The following RSRC1 variants were observed in gnomAD, a reference collection of about 807,000 sequenced individuals.
The protein encoded by RSRC1 is serine/Arginine-related protein 53.
In RSRC1, 39 loss-of-function variants were observed where a neutral mutation model predicts 49.1. That is an observed-to-expected ratio of 0.79 (90% CI 0.61 to 1.04). The LOEUF (loss-of-function observed/expected upper bound fraction) is 1.04. Among genes scored for constraint, RSRC1 ranks in the 50% least tolerant of loss-of-function variants. The pLI is 0.00. For missense variants in RSRC1, 388 were observed against 402.4 expected, an observed-to-expected ratio of 0.96 and a Z score of 0.31; for synonymous variants, 143 against 130.8, an observed-to-expected ratio of 1.09 and a Z score of -0.63.
At chr3:158,144,876 T>C (rs1052466996) in intron 3 of RSRC1, among the ~76,000 whole-genome samples, 3 of 152,216 alleles carry the variant, frequency 2.0e-5, no homozygotes, top group African/African-American at 4.8e-5. Context: ...TGCCTTTCTC[T>C]GATGGCCAGT....
intron 4 of RSRC1, among the ~76,000 whole-genome samples, chr3:158,289,204 G>A (rs989403513): frequency 6.6e-6 from 1 of 151,940 alleles, no homozygotes; most frequent in Non-Finnish European, 1.5e-5. Context: ...TCCTCTGTTT[G>A]CAACTGTTAT....
At chr3:158,233,482 C>G (rs1723078247) in intron 4 of RSRC1, among the ~76,000 whole-genome samples, 1 of 152,072 alleles carries the variant, frequency 6.6e-6, no homozygotes, top group Non-Finnish European at 1.5e-5. Context: ...TCATGATTAT[C>G]TAAGTTTAAT....
At position 158,122,220 on chromosome 3, in the gene RSRC1, A is replaced by C; in HGVS notation, c.116A>C (p.Lys39Thr). The C allele has an allele frequency of 6.2e-7, 1 of 1,607,330 alleles. No homozygotes were observed. Among genetic ancestry groups the C allele is most frequent in the Non-Finnish European group, 8.5e-7 (1 of 1,176,130 alleles). The stretch of plus-strand genomic sequence containing the variant: ...GATAGTAGAACATACAGCCGAAAGA[A>C]AGGAGGAAGGAAATCAAGATCAAAG... ...SSDSRTYSRK[K>T]GGRKSRSKSR... is the part of the protein sequence containing the mutation. The change falls in exon 2 of 10, where the codon AAA (lysine) becomes ACA (threonine). Residue 39 changes from lysine (K) to threonine (T), a missense_variant. Physicochemically the swap from Lys to Thr is moderately conservative, Grantham distance 78. Coordinates refer to ENST00000611884, the MANE Select transcript of RSRC1 (RefSeq NM_001271838.2).
At chr3:158,434,188 C>G (rs1464568939) in intron 6 of RSRC1, among the ~76,000 whole-genome samples, 3 of 151,860 alleles carry the variant, frequency 2.0e-5, no homozygotes, top group South Asian at 2.1e-4. Context: ...ATGAGAACTT[C>G]CAAAATGTTA....
intron 6 of RSRC1, among the ~76,000 whole-genome samples, chr3:158,447,078 A>G (rs1275811285): frequency 6.6e-6 from 1 of 152,072 alleles, no homozygotes; most frequent in Non-Finnish European, 1.5e-5. Context: ...GTGGTATATT[A>G]AAAGTGCATT....
chr3:158,443,592 T>G (rs1193736942), intron 6 of RSRC1, among the ~76,000 whole-genome samples: 1 of 152,176 alleles, frequency 6.6e-6, no homozygotes, highest in Non-Finnish European at 1.5e-5. Flanking sequence ...ATTTTCTACC[T>G]AGACCACTCA....
intron 2 of RSRC1, among the ~76,000 whole-genome samples, chr3:158,122,701 G>A (rs1482281261): frequency 6.6e-6 from 1 of 151,944 alleles, no homozygotes; most frequent in Non-Finnish European, 1.5e-5. Context: ...TTTACATTAG[G>A]TGTATCTCCT....
At chr3:158,115,328 A>G (rs1472794604) in intron 1 of RSRC1, among the ~76,000 whole-genome samples, 1 of 152,104 alleles carries the variant, frequency 6.6e-6, no homozygotes, top group Non-Finnish European at 1.5e-5. Context: ...AGACAGATAG[A>G]TCTGTGTCCC....
chr3:158,478,883 T>C (rs1738492270), intron 7 of RSRC1, among the ~76,000 whole-genome samples: 1 of 149,920 alleles, frequency 6.7e-6, no homozygotes, highest in South Asian at 2.1e-4. Context: ...GGGAAAAGAG[T>C]TGAGAGTACT....
chr3:158,175,968 A>G lies in RSRC1; in HGVS notation c.321-27104A>G, dbSNP rs116100960. 6.7e-3 allele frequency among the ~76,000 whole-genome samples: 1,024 copies of G among 152,008 alleles called. 5 individuals are homozygous for G. The highest frequency in any genetic ancestry group is 9.1e-3 in the Non-Finnish European group (621 of 67,906). On this transcript the variant is annotated intron_variant, in intron 3 of 9. Coordinates refer to ENST00000611884, the MANE Select transcript of RSRC1 (RefSeq NM_001271838.2). ...ATGAGGTTCTCGTGCCATGGTTCTG[A>G]GCTTGATCAGGTCATTTAAGCTCTT...
intron 4 of RSRC1, among the ~76,000 whole-genome samples, chr3:158,259,690 G>A (rs1724781613): frequency 6.6e-6 from 1 of 152,170 alleles, no homozygotes; most frequent in African/African-American, 2.4e-5. Flanking sequence ...GCCCCAGGCA[G>A]GTCCAGAGAT....
chr3:158,190,785 C>G (rs1253347305), intron 3 of RSRC1, among the ~76,000 whole-genome samples: 1 of 151,788 alleles, frequency 6.6e-6, no homozygotes, highest in Non-Finnish European at 1.5e-5. Context: ...GTTGGATTCT[C>G]TTTTTATGTC....
At chr3:158,331,773 C>CA (rs1472136702) in intron 5 of RSRC1, among the ~76,000 whole-genome samples, 1 of 149,768 alleles carries the variant, frequency 6.7e-6, no homozygotes, top group Non-Finnish European at 1.5e-5. Flanking sequence ...AAAATATATG[C>CA]AAAAAACCTG....
chr3:158,400,252 G>A (rs1733829643), intron 6 of RSRC1, among the ~76,000 whole-genome samples: 1 of 152,072 alleles, frequency 6.6e-6, no homozygotes, highest in African/African-American at 2.4e-5. Flanking sequence ...TTATGTGTTT[G>A]TGGTGATGCT....
intron 6 of RSRC1, among the ~76,000 whole-genome samples, chr3:158,404,025 G>A (rs1734025631): frequency 6.6e-6 from 1 of 151,762 alleles, no homozygotes; most frequent in South Asian, 2.1e-4. Context: ...AAATATATTT[G>A]ATAATTCATA....
chr3:158,329,677 G>A (rs527612404), intron 5 of RSRC1, among the ~76,000 whole-genome samples: 39 of 152,258 alleles, frequency 2.6e-4, no homozygotes, highest in Non-Finnish European at 4.0e-4. Flanking sequence ...TAGGCTACTC[G>A]GGGATCAGGG....
At chr3:158,520,823 G>A (rs534831196) in intron 7 of RSRC1, among the ~76,000 whole-genome samples, 130 of 152,152 alleles carry the variant, frequency 8.5e-4, no homozygotes, top group Non-Finnish European at 1.5e-3. Flanking sequence ...TGTTATGCAT[G>A]TCTATGTATG....
At chr3:158,496,619 C>G (rs1315237859) in intron 7 of RSRC1, 1 of 156,868 alleles carries the variant, frequency 6.4e-6, no homozygotes, top group Non-Finnish European at 1.4e-5. Flanking sequence ...CTGCCCTCAT[C>G]CATGATGGCT....
At chr3:158,329,827 C>T (rs570012678) in intron 5 of RSRC1, among the ~76,000 whole-genome samples, 7 of 152,192 alleles carry the variant, frequency 4.6e-5, no homozygotes, top group Non-Finnish European at 1.0e-4. Context: ...GCCCTGCCCC[C>T]AGAGGTGGAG....
Sources: gnomAD v4.1 joint callset for allele counts (sites outside exome capture counted in the v4.1 genomes callset) on GRCh38, gnomAD v4.1.1 for gene constraint, MANE v1.5 for transcripts, NCBI Gene and HGNC (gene_info 2026-07-23, HGNC 2026-07-21) for gene names.